GUCY1A2: variants seen among roughly 807,000 people sequenced by gnomAD.
GUCY1A2 encodes the protein guanylate cyclase soluble subunit alpha-2.
In GUCY1A2, 27 loss-of-function variants were observed where a neutral mutation model predicts 63.5. The ratio of observed to expected loss-of-function variants is 0.43; its 90% CI spans 0.31 to 0.59. The LOEUF (loss-of-function observed/expected upper bound fraction) is 0.59. Among genes scored for constraint, GUCY1A2 ranks in the 20% least tolerant of loss-of-function variants. The pLI is 0.11. For missense variants in GUCY1A2, 768 were observed against 913.3 expected (o/e 0.84, Z 2.05); for synonymous variants, 364 against 343.5 (o/e 1.06, Z -0.66).
At position 106,873,867 on chromosome 11, in the gene GUCY1A2, C is replaced by A. The variant is rs565645836; in HGVS notation, c.1207-63389G>T. Among the ~76,000 whole-genome samples, 8 of 152,216 alleles carry A rather than the reference C, an allele frequency of 5.3e-5. No homozygotes were observed. The South Asian group carries it at 1.0e-3, about 20-fold the overall frequency. On this transcript the variant is annotated intron_variant, in intron 4 of 7. Coordinates refer to ENST00000526355, the MANE Select transcript of GUCY1A2 (RefSeq NM_000855.3). ...CCAATAGACTAGTTTCATCTCATGT[C>A]AATCTGTTAATAATTATCCAAATTG...
chr11:106,737,586 C>A (rs1342297344), intron 6 of GUCY1A2, among the ~76,000 whole-genome samples: 1 of 152,120 alleles, frequency 6.6e-6, no homozygotes, highest in East Asian at 1.9e-4. Flanking sequence ...TGTGTGATGT[C>A]CCCTCCCTGT....
At chr11:106,826,265 A>G in intron 4 of GUCY1A2, 2 of 731,962 alleles carry the variant, frequency 2.7e-6, no homozygotes, top group African/African-American at 1.8e-5. Flanking sequence ...TTTTCCACTA[A>G]TATCATTATC....
chr11:106,940,296 T>G, intron 3 of GUCY1A2, 118 bp from the exon 4 acceptor site: 1 of 567,918 alleles, frequency 1.8e-6, no homozygotes, highest in Non-Finnish European at 3.1e-6. Context: ...GTTATTTCTC[T>G]TAGATCCACA....
At chr11:106,787,699 T>C (rs539234405) in intron 5 of GUCY1A2, among the ~76,000 whole-genome samples, 4 of 150,498 alleles carry the variant, frequency 2.7e-5, no homozygotes, top group Admixed American at 6.6e-5. Flanking sequence ...ATCCATCTTA[T>C]CGCAAATGAC....
intron 3 of GUCY1A2, among the ~76,000 whole-genome samples, chr11:106,976,262 G>C (rs920509273): frequency 1.3e-5 from 2 of 151,948 alleles, no homozygotes; most frequent in African/African-American, 4.8e-5. Flanking sequence ...AAAAAAAAAG[G>C]TTCCCAGGCA....
At chr11:106,838,475 T>G (rs1310808580) in intron 4 of GUCY1A2, among the ~76,000 whole-genome samples, 1 of 151,982 alleles carries the variant, frequency 6.6e-6, no homozygotes, top group Admixed American at 6.6e-5. Flanking sequence ...TATACATATA[T>G]TCATAAATTT....
intron 4 of GUCY1A2, among the ~76,000 whole-genome samples, chr11:106,840,879 C>T (rs1455009223): frequency 1.3e-5 from 2 of 151,874 alleles, no homozygotes; most frequent in Non-Finnish European, 2.9e-5. Context: ...AAAATTCATT[C>T]TTGTGCTTAT....
intron 6 of GUCY1A2, among the ~76,000 whole-genome samples, chr11:106,749,324 A>G (rs1271126747): frequency 6.6e-6 from 1 of 152,100 alleles, no homozygotes; most frequent in Non-Finnish European, 1.5e-5. Flanking sequence ...TGTCCACAAG[A>G]GAAAATATTT....
intron 4 of GUCY1A2, among the ~76,000 whole-genome samples, chr11:106,895,746 T>A (rs1860038513): frequency 6.6e-6 from 1 of 152,084 alleles, no homozygotes; most frequent in African/African-American, 2.4e-5. Flanking sequence ...ACTTCCTAAC[T>A]CATTCTGAGG....
intron 4 of GUCY1A2, among the ~76,000 whole-genome samples, chr11:106,893,976 G>A (rs1476073165): frequency 6.6e-6 from 1 of 152,138 alleles, no homozygotes. Context: ...ACAAGGGAAG[G>A]GGGAAAAGAC....
intron 5 of GUCY1A2, 117 bp from the exon 6 acceptor site, chr11:106,776,699 T>A: frequency 1.1e-6 from 1 of 927,372 alleles, no homozygotes; most frequent in Non-Finnish European, 1.7e-6. Flanking sequence ...ATCAATAAAT[T>A]AAGCAATTAG....
intron 7 of GUCY1A2, among the ~76,000 whole-genome samples, chr11:106,699,842 C>T (rs1264374397): frequency 6.6e-6 from 1 of 150,950 alleles, no homozygotes; most frequent in African/African-American, 2.4e-5. Context: ...AGTGCAGTGG[C>T]GCCATCTCGG....
intron 1 of GUCY1A2, among the ~76,000 whole-genome samples, chr11:107,002,215 T>C (rs1285310787): frequency 6.6e-6 from 1 of 152,070 alleles, no homozygotes; most frequent in Non-Finnish European, 1.5e-5. Flanking sequence ...CCACACTACC[T>C]TTCAACAGTA....
At chr11:106,968,253 C>T (rs978484166) in intron 3 of GUCY1A2, among the ~76,000 whole-genome samples, 2 of 152,048 alleles carry the variant, frequency 1.3e-5, no homozygotes, top group South Asian at 2.1e-4. Context: ...GTCTATAGGC[C>T]TCTTTTATTT....
At chr11:106,870,002 A>G (rs1055254118) in intron 4 of GUCY1A2, among the ~76,000 whole-genome samples, 1 of 151,726 alleles carries the variant, frequency 6.6e-6, no homozygotes, top group Admixed American at 6.6e-5. Context: ...AAACTATCGC[A>G]AGGACAAATA....
intron 4 of GUCY1A2, among the ~76,000 whole-genome samples, chr11:106,844,343 A>T (rs1340034694): frequency 6.6e-6 from 1 of 151,810 alleles, no homozygotes; most frequent in East Asian, 1.9e-4. Context: ...TTTATGTAGT[A>T]TATGTATTTA....
chr11:106,890,952 C>T (rs1859965322), intron 4 of GUCY1A2, among the ~76,000 whole-genome samples: 1 of 152,092 alleles, frequency 6.6e-6, no homozygotes, highest in Non-Finnish European at 1.5e-5. Flanking sequence ...GTGTGCAAAT[C>T]TTTTTATGAG....
intron 4 of GUCY1A2, among the ~76,000 whole-genome samples, chr11:106,897,216 G>C (rs1401995773): frequency 6.6e-6 from 1 of 152,136 alleles, no homozygotes; most frequent in Non-Finnish European, 1.5e-5. Context: ...TAAGTGGAGA[G>C]AGAGTCTATG....
At chr11:106,899,869 A>G (rs928497480) in intron 4 of GUCY1A2, among the ~76,000 whole-genome samples, 49 of 151,994 alleles carry the variant, frequency 3.2e-4, no homozygotes, top group Non-Finnish European at 1.9e-4. Context: ...CAGATCACGA[A>G]GTCAGGAGAT....
Sources: gnomAD v4.1 joint callset for allele counts (sites outside exome capture counted in the v4.1 genomes callset) on GRCh38, gnomAD v4.1.1 for gene constraint, MANE v1.5 for transcripts, NCBI Gene and HGNC (gene_info 2026-07-23, HGNC 2026-07-21) for gene names.